CDC14A: variants seen among roughly 807,000 people sequenced by gnomAD.
CDC14A encodes the protein cell division cycle 14A.
Under a neutral mutation model 74.4 loss-of-function variants are expected in CDC14A, and 53 were observed. That is an observed-to-expected ratio of 0.71 (90% confidence interval 0.57 to 0.89). CDC14A has a LOEUF of 0.89. Ranked by LOEUF, CDC14A falls within the 40% of genes least tolerant of loss-of-function variation. CDC14A has a pLI of 0.00. For synonymous variants in CDC14A, 247 were observed against 258.4 expected, an observed-to-expected ratio of 0.96 and a Z score of 0.43; for missense variants, 646 against 713.7, an observed-to-expected ratio of 0.91 and a Z score of 1.08.
intron 9 of CDC14A, 91 bp from the exon 10 acceptor site, chr1:100,467,865 A>G: frequency 8.1e-7 from 1 of 1,232,654 alleles, no homozygotes; most frequent in East Asian, 2.5e-5. Flanking sequence ...ACTTGAATGC[A>G]GAGCAGTTTC....
Position 100,508,616 on chromosome 1 carries a change from G to A in CDC14A, c.1755+9354G>A, listed in dbSNP as rs936327708. ...ATGACCCAGGCTTCCATCTCTTGGT[G>A]AGCTCCTCCCAGGCTTTCTTCTCAG... is the stretch of plus-strand genomic sequence containing the variant. On this transcript the variant is annotated intron_variant, in intron 15 of 15. Coordinates refer to ENST00000336454, the MANE Select transcript of CDC14A (RefSeq NM_003672.4). This position sits in a 1 kb window ranked among gnomAD's most constrained non-coding sequence, Gnocchi z 4.4. 5.3e-5 allele frequency among the ~76,000 whole-genome samples: 8 copies of A among 152,100 alleles called. 1 individual carries two copies. Among genetic ancestry groups the A allele is most frequent in the Admixed American group, 4.6e-4 (7 of 15,268 alleles).
At chr1:100,397,198 A>C (rs1234733262) in intron 4 of CDC14A, among the ~76,000 whole-genome samples, 1 of 152,166 alleles carries the variant, frequency 6.6e-6, no homozygotes, top group Non-Finnish European at 1.5e-5. Flanking sequence ...TGCTGGAATG[A>C]TGTGGGCACT....
intron 11 of CDC14A, among the ~76,000 whole-genome samples, chr1:100,491,178 A>G (rs1670578433): frequency 6.6e-6 from 1 of 152,200 alleles, no homozygotes; most frequent in Non-Finnish European, 1.5e-5. Flanking sequence ...ATGGAGCCAT[A>G]AAACGACAGA....
At chr1:100,453,073 T>C (rs564029734) in intron 7 of CDC14A, among the ~76,000 whole-genome samples, 24 of 152,298 alleles carry the variant, frequency 1.6e-4, no homozygotes, top group South Asian at 4.1e-4. Flanking sequence ...GATTTAGGTC[T>C]AAGACCTAAA....
chr1:100,402,138 GAAA>G (rs34408247), intron 4 of CDC14A, among the ~76,000 whole-genome samples: 2 of 141,754 alleles, frequency 1.4e-5, no homozygotes, highest in African/African-American at 2.6e-5. Context: ...CATTCATTAT[GAAA>G]AAAAAAAAAA....
At chr1:100,422,153 C>T (rs1045433002) in intron 4 of CDC14A, among the ~76,000 whole-genome samples, 1 of 152,134 alleles carries the variant, frequency 6.6e-6, no homozygotes, top group Non-Finnish European at 1.5e-5. Context: ...CAAAGGGTCT[C>T]ATCTTGCAGT....
chr1:100,444,654 G>T (rs898478060), intron 7 of CDC14A, among the ~76,000 whole-genome samples: 1 of 151,980 alleles, frequency 6.6e-6, no homozygotes, highest in Admixed American at 6.6e-5. Flanking sequence ...CCTCCATTTC[G>T]TTTGTGTTAA....
intron 15 of CDC14A, among the ~76,000 whole-genome samples, chr1:100,500,414 C>T (rs992318342): frequency 6.6e-6 from 1 of 152,016 alleles, no homozygotes; most frequent in Non-Finnish European, 1.5e-5. Context: ...AACAGGAGCC[C>T]CATGGTTCAT....
At chr1:100,468,287 G>C (rs762996408) in intron 10 of CDC14A, among the ~76,000 whole-genome samples, 193 bp downstream of exon 10, 1 of 152,150 alleles carries the variant, frequency 6.6e-6, no homozygotes, top group African/African-American at 2.4e-5. Context: ...ATATCTCTTA[G>C]ATCAGGTGAG....
intron 7 of CDC14A, among the ~76,000 whole-genome samples, chr1:100,453,068 A>G (rs1156867636): frequency 6.6e-6 from 1 of 152,146 alleles, no homozygotes; most frequent in Non-Finnish European, 1.5e-5. Flanking sequence ...TCTCAGATTT[A>G]GGTCTAAGAC....
chr1:100,442,809 A>G, intron 6 of CDC14A, 125 bp from the exon 7 acceptor site: 1 of 676,956 alleles, frequency 1.5e-6, no homozygotes, highest in East Asian at 2.8e-5. Flanking sequence ...TATGCATTAA[A>G]CATCAAAGGT....
chr1:100,352,249 C>G (rs963151473), upstream of CDC14A, among the ~76,000 whole-genome samples: 1 of 152,270 alleles, frequency 6.6e-6, no homozygotes, highest in East Asian at 1.9e-4. Context: ...TCCCCTGGGC[C>G]GAGGGCCCCG....
At chr1:100,507,886 G>A (rs1393844069) in intron 15 of CDC14A, among the ~76,000 whole-genome samples, 1 of 151,120 alleles carries the variant, frequency 6.6e-6, no homozygotes, top group Non-Finnish European at 1.5e-5. Flanking sequence ...TGCCATGTTG[G>A]CCAGGATGGT....
At chr1:100,374,411 C>T (rs1654941727) in intron 2 of CDC14A, among the ~76,000 whole-genome samples, 1 of 152,220 alleles carries the variant, frequency 6.6e-6, no homozygotes, top group Admixed American at 6.5e-5. Context: ...AACTAGTTTA[C>T]AGTCCCACCA....
rs1297643236 is a variant in CDC14A at position 100,377,537 on chromosome 1, G to A, written c.141-9G>A. 2.5e-6 allele frequency: 4 copies of A among 1,599,810 alleles called. No homozygotes were observed. In the South Asian group the frequency reaches 3.4e-5, roughly 13 times the overall value. Reference sequence around the variant, plus strand: ...AAATACTACGTTTTTTGTTTTTCTTGTATCTTAGTTTCTATGCAGATTTTG... The same window carrying A: ...AAATACTACGTTTTTTGTTTTTCTTATATCTTAGTTTCTATGCAGATTTTG... On this transcript the variant is annotated splice_polypyrimidine_tract_variant and intron_variant, in intron 2 of 15. Coordinates refer to ENST00000336454, the MANE Select transcript of CDC14A (RefSeq NM_003672.4).
chr1:100,436,929 T>G (rs1378365075), intron 5 of CDC14A, among the ~76,000 whole-genome samples: 1 of 152,206 alleles, frequency 6.6e-6, no homozygotes, highest in Admixed American at 6.5e-5. Context: ...CTTACACCTG[T>G]AATCCTAGCA....
intron 14 of CDC14A, 25 bp downstream of exon 14, chr1:100,498,232 G>A: frequency 1.2e-6 from 2 of 1,608,366 alleles, no homozygotes; most frequent in Non-Finnish European, 1.7e-6. Flanking sequence ...CCTCTTCTAA[G>A]GTGCTGGTTT....
chr1:100,469,254 A>G (rs677815), intron 10 of CDC14A, among the ~76,000 whole-genome samples: 129,492 of 152,226 alleles, frequency 0.85, 58,614 homozygotes, highest in Non-Finnish European at 1. Context: ...CCTGCTGAGG[A>G]ATTACTTACT....
chr1:100,447,285 T>A (rs1209657773), intron 7 of CDC14A, among the ~76,000 whole-genome samples: 5 of 152,206 alleles, frequency 3.3e-5, no homozygotes, highest in Non-Finnish European at 7.3e-5. Flanking sequence ...GCCCATTGTA[T>A]TAAGTATTGA....
Sources: allele counts gnomAD v4.1 joint callset (sites outside exome capture counted in the v4.1 genomes callset), GRCh38; gene constraint gnomAD v4.1.1; non-coding constraint Gnocchi (gnomAD v3.1); transcripts MANE v1.5; gene names NCBI Gene and HGNC (gene_info 2026-07-23, HGNC 2026-07-21).